Variants in RHCE observed in about 807,000 individuals in gnomAD.
RHCE encodes the protein Rh blood group CcEe antigens, also known as blood group Rh(CE) polypeptide.
In RHCE, 22 loss-of-function variants were observed where a neutral mutation model predicts 43.8. The ratio of observed to expected loss-of-function variants is 0.50; its 90% CI spans 0.36 to 0.72. RHCE has a LOEUF of 0.72. Among genes scored for constraint, RHCE ranks in the 30% least tolerant of loss-of-function variants. The pLI, the probability that RHCE is intolerant of heterozygous loss-of-function variation, is 0.00. For missense variants in RHCE, 385 were observed against 525.4 expected (o/e 0.73, Z 2.61); for synonymous variants, 156 against 210.7 (o/e 0.74, Z 2.25).
At chr1:25,383,420 T>A (rs138528983) in intron 7 of RHCE, among the ~76,000 whole-genome samples, 3 of 152,198 alleles carry the variant, frequency 2.0e-5, no homozygotes, top group Admixed American at 2.0e-4. Flanking sequence ...TTCCATTACA[T>A]AGAGATGTCC....
At chr1:25,391,394 C>T (rs1646357845) in intron 4 of RHCE, among the ~76,000 whole-genome samples, 4 of 152,080 alleles carry the variant, frequency 2.6e-5, no homozygotes, top group East Asian at 3.9e-4. Flanking sequence ...GCCCTGTTGG[C>T]CAGGCTGGTC....
rs1388594188 is a variant in RHCE at position 25,429,667 on chromosome 1, T to TA, written c.-137+272dup. 6.6e-5 allele frequency among the ~76,000 whole-genome samples: 10 copies of TA among 152,316 alleles called. No individual in the cohort carries two copies. The East Asian group carries it at 1.7e-3, about 26-fold the overall frequency. ...CTAGTATGACCACTATTCTATTTAA[T>TA]AGCAATAGTAACATTATCATCCATA... On this transcript the variant is annotated intron_variant, in intron 1 of 11. Transcript: ENST00000349320.
chr1:25,370,810 A>G (rs112798862), intron 8 of RHCE, among the ~76,000 whole-genome samples: 3 of 150,368 alleles, frequency 2.0e-5, no homozygotes, highest in Admixed American at 6.6e-5. Context: ...GTACCGTGGC[A>G]TGATCTCGGC....
upstream of RHCE, among the ~76,000 whole-genome samples, chr1:25,425,751 C>A (rs2042800626): frequency 6.6e-6 from 1 of 152,192 alleles, no homozygotes; most frequent in Non-Finnish European, 1.5e-5. Context: ...TTTCTGTAAA[C>A]ACCAGACTCC....
At chr1:25,395,335 A>G (rs2765565) in intron 3 of RHCE, among the ~76,000 whole-genome samples, 2 of 151,042 alleles carry the variant, frequency 1.3e-5, no homozygotes, top group Non-Finnish European at 2.9e-5. Context: ...GTGGAGGTGG[A>G]TGGGTGGGTG....
In RHCE at chr1:25,389,100, C is replaced by T; in HGVS notation, c.815G>A (p.Ser272Asn). ...QRKISMTYVH[S>N]AVLAGGVAVG... ...AGCCACGCCTCCTGCCAACACCGCA[C>T]TGTGCACATAAGTCTGCAAAGAAAT... The change falls in exon 6 of 10, where the codon AGT becomes AAT. Residue 272 changes from serine (S) to asparagine (N), a missense_variant. By Grantham distance (46) the Ser-to-Asn change is conservative (BLOSUM62 1). Around this residue, in one of 6 missense-constraint regions of RHCE, gnomAD observed 56 missense variants for 90.0 expected, o/e 0.62. Transcript: ENST00000294413. 6.2e-7 allele frequency: 1 copy of T among 1,614,102 alleles called. No homozygotes were observed. Among genetic ancestry groups the T allele is most frequent in the South Asian group, 1.1e-5 (1 of 91,082 alleles).
upstream of RHCE, among the ~76,000 whole-genome samples, chr1:25,423,803 T>C (rs557839197): frequency 3.3e-5 from 5 of 152,348 alleles, no homozygotes; most frequent in East Asian, 1.9e-4. Context: ...AGCTGTGAGA[T>C]GTATGGCTTT....
rs143686440 is a variant in RHCE, at chr1:25,362,392, T to A, written c.*135A>T. 331 of 1,594,934 alleles carry A rather than the reference T, an allele frequency of 2.1e-4. 1 individual carries two copies. The African/African-American group carries it at 3.2e-3, about 15-fold the overall frequency. Reference sequence around the variant, plus strand: ...TAGTCTTTAATTTTTTAATATCAAATCTGTCTCTGACCTTGTTTCATTATA... The same window carrying A: ...TAGTCTTTAATTTTTTAATATCAAAACTGTCTCTGACCTTGTTTCATTATA... On this transcript the variant is annotated 3_prime_UTR_variant, in exon 10 of 10. Transcript: ENST00000294413.
rs141398055 is a variant in RHCE at position 25,392,026 on chromosome 1, C to G, written c.602G>C (p.Arg201Thr). ...LPKGTEDNDQ[R>T]ATIPSLSAML... is the part of the protein sequence containing the mutation. ...GGCAGACAAACTGGGTATCGTTGCT[C>G]TCTGATCATTATCCTCCGTTCCCTT... The change falls in exon 4 of 10, where the codon AGA becomes ACA. Residue 201 changes from arginine (R) to threonine (T), a missense_variant. Coordinates refer to ENST00000294413, the MANE Select transcript of RHCE (RefSeq NM_020485.8). 267 of 1,614,034 alleles carry G rather than the reference C, an allele frequency of 1.7e-4. 3 individuals carry two copies. The Middle Eastern group carries it at 3.6e-3, about 22-fold the overall frequency.
At position 25,420,652 on chromosome 1, in the gene RHCE, C is replaced by CA. The variant is rs1489456690; in HGVS notation, c.134dup (p.Ala46GlyfsTer114). 1.2e-6 allele frequency: 2 copies of CA among 1,613,730 alleles called. No individual in the cohort carries two copies. Among genetic ancestry groups the CA allele is most frequent in the Non-Finnish European group, 8.5e-7 (1 of 1,179,854 alleles). ...ATGAACTCTCACCTTGATAGGATGC[C>CA]ACGAGCCCCTTTTGATCCTCTAAGG... On this transcript the variant is annotated frameshift_variant, in exon 1 of 10. Transcript: ENST00000294413. LOFTEE classifies it high-confidence loss of function.
chr1:25,415,654 A>T (rs1420965100), intron 1 of RHCE, among the ~76,000 whole-genome samples: 1 of 152,206 alleles, frequency 6.6e-6, no homozygotes, highest in East Asian at 1.9e-4. Flanking sequence ...CTGTCTCAAA[A>T]AAAAAAAGCT....
intron 3 of RHCE, among the ~76,000 whole-genome samples, chr1:25,402,107 C>T (rs1646767013): frequency 6.6e-6 from 1 of 152,040 alleles, no homozygotes; most frequent in African/African-American, 2.4e-5. Flanking sequence ...GAACTCCTGA[C>T]CTCAGGTGAT....
chr1:25,428,357 G>C (rs1372869884), intron 2 of RHCE, among the ~76,000 whole-genome samples: 1 of 152,170 alleles, frequency 6.6e-6, no homozygotes, highest in Non-Finnish European at 1.5e-5. Flanking sequence ...CTTCCATTTT[G>C]ATTTGGTTCC....
rs529010122 is a variant in RHCE, at chr1:25,379,071, T to C, written c.1074-3643A>G. ...TAACAGAATACCACAGAATGGGTAA[T>C]TTATAAAATAATTATATATAGCTCA... is the stretch of plus-strand genomic sequence containing the variant. On this transcript the variant is annotated intron_variant, in intron 7 of 9. Coordinates refer to ENST00000294413, the MANE Select transcript of RHCE (RefSeq NM_020485.8). Among the ~76,000 whole-genome samples, 150 of 152,304 alleles carry C rather than the reference T, an allele frequency of 9.8e-4. 2 individuals carry two copies. In the South Asian group the frequency reaches 0.029, roughly 29 times the overall value.
chr1:25,404,483 G>T (rs1235544686), intron 2 of RHCE, among the ~76,000 whole-genome samples: 1 of 150,526 alleles, frequency 6.6e-6, no homozygotes, highest in African/African-American at 2.5e-5. Context: ...TAGAATAAGG[G>T]GTTATTCAAT....
rs746080524 is a variant in RHCE, at chr1:25,408,663, T to G, written c.335+20A>C. On this transcript the variant is annotated intron_variant, in intron 2 of 9. Transcript: ENST00000294413. Reference sequence around the variant, plus strand: ...CATTCCCTCTATGACCCAGAAGTGATCCAGCCACCATCCCAATACCTGAAC... The same window carrying G: ...CATTCCCTCTATGACCCAGAAGTGAGCCAGCCACCATCCCAATACCTGAAC... The G allele has an allele frequency of 7.8e-7, 1 of 1,275,776 alleles. No individual in the cohort carries two copies. Among genetic ancestry groups the G allele is most frequent in the South Asian group, 1.9e-5 (1 of 52,810 alleles). The allele number at this position is 1,275,776 out of a possible 1,614,324, so 79.0% of individuals were successfully genotyped here.
intron 9 of RHCE, among the ~76,000 whole-genome samples, chr1:25,370,160 A>C (rs562080551): frequency 6.6e-6 from 1 of 151,628 alleles, no homozygotes; most frequent in East Asian, 1.9e-4. Context: ...CCGCATGTCA[A>C]ACTATTTGGC....
At chr1:25,381,893 A>G (rs1012612994) in intron 7 of RHCE, among the ~76,000 whole-genome samples, 15 of 151,496 alleles carry the variant, frequency 9.9e-5, no homozygotes, top group African/African-American at 3.4e-4. Flanking sequence ...TACTTCTTGC[A>G]TTAATTTTCT....
intron 6 of RHCE, among the ~76,000 whole-genome samples, chr1:25,387,543 C>T (rs920408763): frequency 1.3e-5 from 2 of 152,160 alleles, no homozygotes; most frequent in Non-Finnish European, 2.9e-5. Flanking sequence ...TCAGGGAATG[C>T]GATGGGCGCT....
Sources: allele counts gnomAD v4.1 joint callset (sites outside exome capture counted in the v4.1 genomes callset), GRCh38; gene constraint gnomAD v4.1.1; regional missense constraint gnomAD v4.1.1; transcripts MANE v1.5; gene names NCBI Gene and HGNC (gene_info 2026-07-23, HGNC 2026-07-21).